Variants in TPD52 observed in about 807,000 individuals in gnomAD.
TPD52 encodes prostate and colon associated protein.
Under a neutral mutation model 31.3 loss-of-function variants are expected in TPD52, and 17 were observed. The observed-to-expected ratio is 0.54, with a 90% confidence interval of 0.37 to 0.82. TPD52 has a LOEUF of 0.82. Among genes scored for constraint, TPD52 ranks in the 40% least tolerant of loss-of-function variants. The probability of loss-of-function intolerance (pLI) is 0.00; values close to 1 mark genes in which losing one functional copy is unlikely to be tolerated. For missense variants in TPD52, 212 were observed against 240.1 expected, an observed-to-expected ratio of 0.88 and a Z score of 0.77; for synonymous variants, 83 against 89.6, an observed-to-expected ratio of 0.93 and a Z score of 0.42.
At chr8:80,043,885 A>G (rs1161471134) in intron 6 of TPD52, among the ~76,000 whole-genome samples, 1 of 152,250 alleles carries the variant, frequency 6.6e-6, no homozygotes, top group Non-Finnish European at 1.5e-5. Context: ...AGGTTTGTTA[A>G]CAAGTAGTGC....
chr8:80,134,884 C>T (rs1444888863), intron 1 of TPD52, among the ~76,000 whole-genome samples: 2 of 152,184 alleles, frequency 1.3e-5, no homozygotes, highest in African/African-American at 4.8e-5. Context: ...ATATTTGTTG[C>T]CTTAAGCCCC....
At chr8:80,125,052 A>G (rs912494682) in intron 1 of TPD52, among the ~76,000 whole-genome samples, 1 of 152,342 alleles carries the variant, frequency 6.6e-6, no homozygotes, top group East Asian at 1.9e-4. Flanking sequence ...ATTCTAATGT[A>G]CAAGTGAGTT....
At chr8:80,077,439 T>C (rs1814709194) in intron 1 of TPD52, among the ~76,000 whole-genome samples, 1 of 152,154 alleles carries the variant, frequency 6.6e-6, no homozygotes, top group Non-Finnish European at 1.5e-5. Context: ...TGGAATAGAA[T>C]GTTGAGATCC....
At chr8:80,098,137 C>T (rs1806469458) in intron 1 of TPD52, among the ~76,000 whole-genome samples, 1 of 152,212 alleles carries the variant, frequency 6.6e-6, no homozygotes, top group African/African-American at 2.4e-5. Context: ...TATTACTGCT[C>T]ATTTACAATG....
chr8:80,061,189 A>AC (rs1259592374), intron 2 of TPD52, among the ~76,000 whole-genome samples: 6 of 151,906 alleles, frequency 3.9e-5, no homozygotes, highest in African/African-American at 1.5e-4. Context: ...ATATGGAGAA[A>AC]CCCCATCTCT....
rs950230478 is a variant in TPD52 at position 80,051,752 on chromosome 8, G to C, written c.285-124C>G. 1.1e-5 allele frequency: 8 copies of C among 745,918 alleles called. No individual in the cohort carries two copies. The African/African-American group carries it at 1.5e-4, about 14-fold the overall frequency. 46.2% of individuals were successfully genotyped at this position (745,918 alleles called of 1,614,324 possible). A position where few individuals can be genotyped will look rare whatever the true frequency, so the allele number is the denominator to read the frequency against. Reference sequence around the variant, plus strand: ...TCTCAAAAAGAGAAAACATTTTTCAGAACTTCTAAAATCCTTCATAACCAG... The same window carrying C: ...TCTCAAAAAGAGAAAACATTTTTCACAACTTCTAAAATCCTTCATAACCAG... On this transcript the variant is annotated intron_variant, in intron 3 of 7. Coordinates refer to ENST00000518937, the MANE Select transcript of TPD52 (RefSeq NM_001025253.3).
At chr8:80,111,520 T>C (rs1292400593) in intron 1 of TPD52, among the ~76,000 whole-genome samples, 1 of 152,242 alleles carries the variant, frequency 6.6e-6, no homozygotes, top group Non-Finnish European at 1.5e-5. Flanking sequence ...TGAGTGACTA[T>C]GTTAGAATGG....
chr8:80,044,836 T>C (rs1255565785), intron 5 of TPD52, among the ~76,000 whole-genome samples: 2 of 152,228 alleles, frequency 1.3e-5, no homozygotes, highest in Non-Finnish European at 2.9e-5. Flanking sequence ...CTGGCACGAC[T>C]TTGGTAAATA....
At chr8:80,101,448 CAAAAAAAAAAAAAA>C (rs113660828) in intron 1 of TPD52, among the ~76,000 whole-genome samples, 100 of 114,726 alleles carry the variant, frequency 8.7e-4, no homozygotes, top group African/African-American at 2.7e-3. Context: ...ACTCCCAGCT[CAAAAAAAAAAAAAA>C]AAAAAAAAAA....
chr8:80,148,466 A>G (rs1810358979), intron 1 of TPD52, among the ~76,000 whole-genome samples: 1 of 152,074 alleles, frequency 6.6e-6, no homozygotes, highest in Non-Finnish European at 1.5e-5. Flanking sequence ...CCTGGCCCTA[A>G]ATTGTTTTTA....
chr8:80,053,595 T>C (rs2303447), intron 2 of TPD52, among the ~76,000 whole-genome samples, 165 bp from the exon 3 acceptor site: 87,544 of 151,932 alleles, frequency 0.58, 25,783 homozygotes, highest in East Asian at 0.7. Context: ...ACTGGTTACT[T>C]GCTGATCTCT....
chr8:80,074,196 T>C (rs1280146266), intron 1 of TPD52, among the ~76,000 whole-genome samples: 1 of 152,228 alleles, frequency 6.6e-6, no homozygotes, highest in Non-Finnish European at 1.5e-5. Flanking sequence ...GAAACTTCAG[T>C]ATCTATGACT....
At chr8:80,050,659 A>G (rs907624946) in intron 4 of TPD52, among the ~76,000 whole-genome samples, 188 bp from the exon 5 acceptor site, 1 of 152,230 alleles carries the variant, frequency 6.6e-6, no homozygotes, top group South Asian at 2.1e-4. Flanking sequence ...CAAGAAAGCT[A>G]TATTTATTAC....
At chr8:80,086,877 C>CAAAAAAAAAAAAAAAAAAAAAAAAAAAAA (rs58864911) in intron 1 of TPD52, among the ~76,000 whole-genome samples, 2 of 76,564 alleles carry the variant, frequency 2.6e-5, no homozygotes, top group Non-Finnish European at 4.8e-5. Flanking sequence ...GCTGTCTCAA[C>CAAAAAAAAAAAAAAAAAAAAAAAAAAAAA]AAAAAAAAAA....
chr8:80,138,737 C>T (rs1809614506), intron 1 of TPD52, among the ~76,000 whole-genome samples: 1 of 152,112 alleles, frequency 6.6e-6, no homozygotes, highest in Admixed American at 6.5e-5. Flanking sequence ...GAGCTCTTCA[C>T]CTCGCTATTT....
At chr8:80,044,301 C>T (rs1415026164) in intron 5 of TPD52, 93 bp from the exon 6 acceptor site, 6 of 963,026 alleles carry the variant, frequency 6.2e-6, no homozygotes, top group Non-Finnish European at 9.2e-6. Flanking sequence ...TCCCCAGGAG[C>T]TTTATTCTCT....
intron 1 of TPD52, among the ~76,000 whole-genome samples, chr8:80,150,746 G>A (rs563454329): frequency 4.5e-4 from 69 of 152,300 alleles, no homozygotes; most frequent in African/African-American, 1.6e-3. Context: ...TGGAATGGCT[G>A]TATTTACCCA....
chr8:80,049,800 T>C (rs1386923782), intron 5 of TPD52, among the ~76,000 whole-genome samples: 3 of 152,198 alleles, frequency 2.0e-5, no homozygotes, highest in Admixed American at 2.0e-4. Flanking sequence ...TTTTTTAGCT[T>C]AATATTCTTT....
At position 80,081,466 on chromosome 8, in the gene TPD52, TAAG is replaced by T. The variant is rs199586884; in HGVS notation, c.20-16876_20-16874del. Among the ~76,000 whole-genome samples, 712 of 152,166 alleles carry T rather than the reference TAAG, an allele frequency of 4.7e-3. 4 individuals are homozygous for T. Among genetic ancestry groups the T allele is most frequent in the African/African-American group, 0.016 (671 of 41,496 alleles). On this transcript the variant is annotated intron_variant, in intron 1 of 7. Coordinates refer to ENST00000518937, the MANE Select transcript of TPD52 (RefSeq NM_001025253.3). ...CAATTGCAGCTCCTGCTGGTTCTAC[TAAG>T]GAGGTAAAAATAAAGGCGACTCGCT...
Sources: gnomAD v4.1 joint callset for allele counts (sites outside exome capture counted in the v4.1 genomes callset) on GRCh38, gnomAD v4.1.1 for gene constraint, MANE v1.5 for transcripts, NCBI Gene and HGNC (gene_info 2026-07-23, HGNC 2026-07-21) for gene names.